NXNL2: variants seen among roughly 807,000 people sequenced by gnomAD.
The protein encoded by NXNL2 is nucleoredoxin-like protein 2.
NXNL2 carries 7 observed loss-of-function variants against 11.1 expected under a neutral mutation model. The observed-to-expected ratio is 0.63, with a 90% CI of 0.36 to 1.18. The LOEUF (loss-of-function observed/expected upper bound fraction) is 1.18, where lower values mean the gene tolerates loss of function less well. Among genes scored for constraint, NXNL2 ranks in the 50% most tolerant of loss-of-function variants. The pLI is 0.02. For missense variants in NXNL2, 233 were observed against 217.7 expected, an observed-to-expected ratio of 1.07 and a Z score of -0.44; for synonymous variants, 109 against 101.8, an observed-to-expected ratio of 1.07 and a Z score of -0.42.
At chr9:88,564,285 T>TCTATCTATC (rs1554706562) in intron 1 of NXNL2, among the ~76,000 whole-genome samples, 1 of 140,160 alleles carries the variant, frequency 7.1e-6, no homozygotes, top group African/African-American at 2.7e-5. Context: ...TATCTATCTA[T>TCTATCTATC]TATCTATCTA....
At chr9:88,548,502 G>T (rs977789271), downstream of NXNL2, among the ~76,000 whole-genome samples, 1 of 150,180 alleles carries the variant, frequency 6.7e-6, no homozygotes, top group African/African-American at 2.5e-5. Flanking sequence ...TCTCTAAAAT[G>T]GTGAAACCCT....
intron 1 of NXNL2, among the ~76,000 whole-genome samples, chr9:88,557,436 A>G (rs1365023385): frequency 2.0e-5 from 3 of 152,218 alleles, no homozygotes; most frequent in Non-Finnish European, 4.4e-5. Context: ...TTCTGCAGAG[A>G]TCACAGGGTG....
chr9:88,558,246 C>G (rs1830043829), intron 1 of NXNL2, among the ~76,000 whole-genome samples: 1 of 152,058 alleles, frequency 6.6e-6, no homozygotes. Flanking sequence ...ATCAGTCATG[C>G]CTACATAATA....
At chr9:88,551,151 C>G (rs1388508427) in intron 1 of NXNL2, among the ~76,000 whole-genome samples, 1 of 152,174 alleles carries the variant, frequency 6.6e-6, no homozygotes, top group Non-Finnish European at 1.5e-5. Context: ...CTTAGCAAGC[C>G]TCTGTTTTCA....
chr9:88,555,418 T>C (rs1489441685), intron 1 of NXNL2, among the ~76,000 whole-genome samples: 1 of 152,008 alleles, frequency 6.6e-6, no homozygotes, highest in Admixed American at 6.6e-5. Flanking sequence ...ATGGCGCCAG[T>C]GGGAGTGTCT....
At chr9:88,552,372 A>T (rs911201196) in intron 1 of NXNL2, among the ~76,000 whole-genome samples, 2 of 151,472 alleles carry the variant, frequency 1.3e-5, no homozygotes, top group African/African-American at 4.9e-5. Context: ...AGTTAATTTT[A>T]TGTTTGTAAT....
chr9:88,548,393 G>T, downstream of NXNL2, among the ~76,000 whole-genome samples: 1 of 120,316 alleles, frequency 8.3e-6, no homozygotes, highest in African/African-American at 3.2e-5. Context: ...GCTGGGTGCT[G>T]TAGCTCATGC....
In NXNL2 at chr9:88,544,521, G is replaced by C. The variant is rs1034212619; in HGVS notation, c.445G>C (p.Asp149His). ...CTTCCAGGACTGGGTGGAGGCGGCCGATATCTTCCAGAATTTCTCCGTTTG... is the reference window on the plus strand; with the variant it reads ...CTTCCAGGACTGGGTGGAGGCGGCCCATATCTTCCAGAATTTCTCCGTTTG... ...ACFQDWVEAADIFQNFSV is the reference protein window; with the variant it reads ...ACFQDWVEAAHIFQNFSV The change falls in exon 2 of 2, where the codon GAT becomes CAT. Residue 149 changes from aspartate to histidine, a missense_variant. Physicochemically the swap from Asp to His is moderately conservative, Grantham distance 81. Transcript: ENST00000375854. 2.6e-6 allele frequency: 4 copies of C among 1,543,930 alleles called. No homozygotes were observed. The highest frequency in any genetic ancestry group is 4.0e-5 in the Admixed American group (2 of 50,492).
At chr9:88,557,850 G>A (rs1233609935) in intron 1 of NXNL2, among the ~76,000 whole-genome samples, 3 of 152,172 alleles carry the variant, frequency 2.0e-5, no homozygotes, top group Non-Finnish European at 4.4e-5. Flanking sequence ...TGAGCATACA[G>A]TTGGAATGAG....
downstream of NXNL2, among the ~76,000 whole-genome samples, chr9:88,577,422 A>G (rs969995005): frequency 2.0e-5 from 3 of 152,090 alleles, no homozygotes; most frequent in East Asian, 5.8e-4. Flanking sequence ...TACGGTCCTA[A>G]GAGAACTGCA....
chr9:88,580,665 T>C (rs1830399529), downstream of NXNL2, among the ~76,000 whole-genome samples: 1 of 152,194 alleles, frequency 6.6e-6, no homozygotes, highest in African/African-American at 2.4e-5. Flanking sequence ...ACACCTCACA[T>C]AATTATGTTA....
At chr9:88,583,755 G>A (rs1413560678) in intron 1 of NXNL2, among the ~76,000 whole-genome samples, 4 of 152,222 alleles carry the variant, frequency 2.6e-5, no homozygotes, top group South Asian at 2.1e-4. Context: ...AGGGTTAAAT[G>A]TGTCACAGGG....
chr9:88,560,285 T>C (rs1236942087), intron 1 of NXNL2, among the ~76,000 whole-genome samples: 5 of 151,730 alleles, frequency 3.3e-5, no homozygotes, highest in Non-Finnish European at 7.4e-5. Flanking sequence ...TCAGCCCTTC[T>C]GCTTGTTGGA....
At chr9:88,573,189 G>A (rs929018282) in intron 2 of NXNL2, among the ~76,000 whole-genome samples, 5 of 151,940 alleles carry the variant, frequency 3.3e-5, no homozygotes, top group African/African-American at 1.2e-4. Context: ...TGTCACCAAG[G>A]CTGGAGTGCA....
downstream of NXNL2, among the ~76,000 whole-genome samples, chr9:88,580,638 C>A (rs1047775063): frequency 1.3e-5 from 2 of 152,158 alleles, no homozygotes; most frequent in African/African-American, 4.8e-5. Flanking sequence ...TGCCTTACCC[C>A]AGTTTCCCCA....
intron 1 of NXNL2, among the ~76,000 whole-genome samples, chr9:88,569,970 T>G (rs1830235788): frequency 6.6e-6 from 1 of 152,184 alleles, no homozygotes; most frequent in African/African-American, 2.4e-5. Flanking sequence ...TGCAGACCTC[T>G]GCAGGGCGCC....
Position 88,544,806 on chromosome 9 carries a change from C to G in NXNL2, c.*259C>G. 8.4e-7 allele frequency: 1 copy of G among 1,187,948 alleles called. No individual in the cohort carries two copies. Among genetic ancestry groups the G allele is most frequent in the East Asian group, 4.3e-5 (1 of 23,084 alleles). The allele number at this position is 1,187,948 out of a possible 1,614,324, so 73.6% of individuals were successfully genotyped here. On this transcript the variant is annotated 3_prime_UTR_variant, in exon 2 of 2. Transcript: ENST00000375854. ...TATCCACCTGTGCTTAAGGAAGGATCCTCATATGTTCATACTGAGCTGTTG... is the reference window on the plus strand; with the variant it reads ...TATCCACCTGTGCTTAAGGAAGGATGCTCATATGTTCATACTGAGCTGTTG...
Position 88,573,966 on chromosome 9 carries a change from T to C in NXNL2, c.*17-1121T>C, listed in dbSNP as rs183018001. Among the ~76,000 whole-genome samples, 1,144 of 152,368 alleles carry C rather than the reference T, an allele frequency of 7.5e-3. 14 individuals are homozygous for C. Among genetic ancestry groups the C allele is most frequent in the Middle Eastern group, 0.027 (8 of 294 alleles). On this transcript the variant is annotated intron_variant, in intron 2 of 2. Transcript: ENST00000375855. Reference sequence around the variant, plus strand: ...AGCATGGATAGAATGAGAAAGACTGTTAATAACAAGTATTGGTGAGGATGT... The same window carrying C: ...AGCATGGATAGAATGAGAAAGACTGCTAATAACAAGTATTGGTGAGGATGT...
At chr9:88,556,130 G>A (rs915002159) in intron 1 of NXNL2, among the ~76,000 whole-genome samples, 19 of 152,244 alleles carry the variant, frequency 1.2e-4, no homozygotes, top group Non-Finnish European at 1.5e-4. Context: ...CCGAGGTCTC[G>A]GCCCCCAGAG....
Sources: gnomAD v4.1 joint callset for allele counts (sites outside exome capture counted in the v4.1 genomes callset) on GRCh38, gnomAD v4.1.1 for gene constraint, MANE v1.5 for transcripts, NCBI Gene and HGNC (gene_info 2026-07-23, HGNC 2026-07-21) for gene names.